Variants in DPYSL5 observed in about 807,000 individuals in gnomAD.
The protein encoded by DPYSL5 is dihydropyrimidinase-related protein 5.
DPYSL5 carries 9 observed loss-of-function variants against 58.4 expected under a neutral mutation model. That is an observed-to-expected ratio of 0.15 (90% CI 0.09 to 0.27). DPYSL5 has a LOEUF of 0.27. Ranked by LOEUF, DPYSL5 falls within the 10% of genes least tolerant of loss-of-function variation. DPYSL5 has a pLI of 1.00. For missense variants in DPYSL5, 499 were observed against 770.6 expected (o/e 0.65, Z 4.17); for synonymous variants, 293 against 301.9 (o/e 0.97, Z 0.31).
chr2:26,923,442 C>T (rs1664752328), intron 2 of DPYSL5, among the ~76,000 whole-genome samples: 1 of 152,208 alleles, frequency 6.6e-6, no homozygotes, highest in South Asian at 2.1e-4. Context: ...AACTACCCAA[C>T]AAGGAAGCCA....
intron 1 of DPYSL5, among the ~76,000 whole-genome samples, chr2:26,880,713 C>G (rs1225601979): frequency 6.6e-6 from 1 of 152,208 alleles, no homozygotes; most frequent in Non-Finnish European, 1.5e-5. Flanking sequence ...GCACAGAACT[C>G]TCTTTTGAGA....
rs1664819257 is a variant in DPYSL5 at position 26,925,924 on chromosome 2, C to G, written c.420+879C>G. Among the ~76,000 whole-genome samples the G allele has an allele frequency of 6.6e-6, 1 of 152,156 alleles. No individual in the cohort carries two copies. The highest frequency in any genetic ancestry group is 1.5e-5 in the Non-Finnish European group (1 of 68,034). ...TTAGTTTTACCAACTCAGGAACTGC[C>G]TCTTCATTTTCCGTCAAAAACCCAC... On this transcript the variant is annotated intron_variant, in intron 3 of 12. Coordinates refer to ENST00000288699, the MANE Select transcript of DPYSL5 (RefSeq NM_020134.4). This position sits in a 1 kb window ranked among gnomAD's most constrained non-coding sequence, Gnocchi z 4.5.
chr2:26,866,888 C>G (rs772581424), intron 1 of DPYSL5, among the ~76,000 whole-genome samples: 1 of 151,944 alleles, frequency 6.6e-6, no homozygotes, highest in Non-Finnish European at 1.5e-5. Context: ...TGTGCCACCA[C>G]GCCCAGCTAA....
intron 2 of DPYSL5, among the ~76,000 whole-genome samples, chr2:26,903,508 C>T (rs752829685): frequency 2.0e-5 from 3 of 152,178 alleles, no homozygotes; most frequent in Non-Finnish European, 2.9e-5. Flanking sequence ...CAGCCCAGCC[C>T]AGCCCAGTTG....
At chr2:26,894,290 C>G (rs368679292) in intron 1 of DPYSL5, among the ~76,000 whole-genome samples, 1 of 152,038 alleles carries the variant, frequency 6.6e-6, no homozygotes, top group Admixed American at 6.6e-5. Context: ...CATCTTCACA[C>G]TCTTCTCAAA....
chr2:26,896,675 T>C (rs983773434), intron 1 of DPYSL5, among the ~76,000 whole-genome samples: 1 of 152,248 alleles, frequency 6.6e-6, no homozygotes, highest in Non-Finnish European at 1.5e-5. Context: ...TGGCCATTTG[T>C]ATGTCTTCTG....
intron 2 of DPYSL5, among the ~76,000 whole-genome samples, chr2:26,906,760 AATTT>A (rs1255803539): frequency 1.3e-5 from 2 of 151,946 alleles, no homozygotes; most frequent in African/African-American, 2.4e-5. Context: ...CCTAAATCAT[AATTT>A]ATTTATTTAT....
At chr2:26,888,746 G>T (rs1663794077) in intron 1 of DPYSL5, among the ~76,000 whole-genome samples, 1 of 152,140 alleles carries the variant, frequency 6.6e-6, no homozygotes, top group African/African-American at 2.4e-5. Flanking sequence ...GTCTTTAAAG[G>T]AGGTGACATT....
chr2:26,897,433 C>T (rs1394474526), intron 1 of DPYSL5, among the ~76,000 whole-genome samples: 3 of 152,076 alleles, frequency 2.0e-5, no homozygotes, highest in Admixed American at 1.3e-4. Context: ...GATTTTTCTT[C>T]CTTAGTTTAT....
intron 5 of DPYSL5, among the ~76,000 whole-genome samples, chr2:26,931,197 GTGTGTGTATATATATATATATATATATA>G (rs1184922190): frequency 5.7e-5 from 3 of 52,494 alleles, no homozygotes; most frequent in African/African-American, 1.8e-4. Flanking sequence ...GTGTGTGTGT[GTGTGTGTATATATATATATATATATATA>G]TATATGAATT....
At position 26,931,659 on chromosome 2, in the gene DPYSL5, A is replaced by G. The variant is rs1558350932; in HGVS notation, c.689A>G (p.His230Arg). The change falls in exon 6 of 13, where the codon CAT (histidine) becomes CGT (arginine). Residue 230 changes from histidine to arginine, a missense_variant. This residue lies in a region of DPYSL5 where 404 missense variants were observed against 647.6 expected (regional missense o/e 0.62). Coordinates refer to ENST00000288699, the MANE Select transcript of DPYSL5 (RefSeq NM_020134.4). Reference sequence around the variant, plus strand: ...TAACAGCTGGAAGCTGAAGCCACTCATCGTGTTATCACCATTGCAAACAGG... The same window carrying G: ...TAACAGCTGGAAGCTGAAGCCACTCGTCGTGTTATCACCATTGCAAACAGG... ...RPEELEAEAT[H>R]RVITIANRTH... 6.2e-7 allele frequency: 1 copy of G among 1,614,034 alleles called. No individual in the cohort carries two copies. Among genetic ancestry groups the G allele is most frequent in the Non-Finnish European group, 8.5e-7 (1 of 1,179,954 alleles).
At chr2:26,895,122 A>T (rs1265724709) in intron 1 of DPYSL5, among the ~76,000 whole-genome samples, 1 of 152,238 alleles carries the variant, frequency 6.6e-6, no homozygotes, top group Non-Finnish European at 1.5e-5. Flanking sequence ...AAGATCATGC[A>T]GTCTTGATTA....
At chr2:26,931,356 C>T (rs760677606) in intron 5 of DPYSL5, among the ~76,000 whole-genome samples, 1 of 151,136 alleles carries the variant, frequency 6.6e-6, no homozygotes, top group Non-Finnish European at 1.5e-5. Flanking sequence ...AGAGAATACA[C>T]CAGAAAACAA....
intron 8 of DPYSL5, among the ~76,000 whole-genome samples, chr2:26,935,857 T>A (rs1321830057): frequency 6.6e-6 from 1 of 152,148 alleles, no homozygotes; most frequent in Non-Finnish European, 1.5e-5. Flanking sequence ...TTCTTCTCCA[T>A]ACCCAAGCAT....
intron 2 of DPYSL5, among the ~76,000 whole-genome samples, chr2:26,923,465 G>A (rs1443685352): frequency 6.6e-6 from 1 of 152,168 alleles, no homozygotes; most frequent in Non-Finnish European, 1.5e-5. Context: ...CTATTGTGTA[G>A]GTAAAGACTT....
intron 2 of DPYSL5, among the ~76,000 whole-genome samples, chr2:26,909,890 A>C (rs935314279): frequency 3.9e-5 from 6 of 152,194 alleles, no homozygotes; most frequent in East Asian, 3.8e-4. Context: ...GGTATAATTA[A>C]TGTTTGATAA....
chr2:26,924,873 T>G lies in DPYSL5; in HGVS notation c.262-14T>G. On this transcript the variant is annotated splice_polypyrimidine_tract_variant and intron_variant, in intron 2 of 12. Transcript: ENST00000288699. The surrounding 1 kb of genome is among the most constrained non-coding windows in gnomAD (Gnocchi z 4.7). The stretch of plus-strand genomic sequence containing the variant: ...GCAGGGCTGTGACGAGACTGCCTTT[T>G]CCCGTCTTCCCAGGCAGCACTCGTC... 6.2e-7 allele frequency: 1 copy of G among 1,612,130 alleles called. No homozygotes were observed. Among genetic ancestry groups the G allele is most frequent in the Non-Finnish European group, 8.5e-7 (1 of 1,178,974 alleles).
intron 2 of DPYSL5, among the ~76,000 whole-genome samples, chr2:26,919,923 G>A (rs549624762): frequency 5.9e-5 from 9 of 152,236 alleles, no homozygotes; most frequent in African/African-American, 2.2e-4. Flanking sequence ...TAAAAGGAAT[G>A]AAATAAATCT....
chr2:26,901,144 G>A (rs1346981249), intron 2 of DPYSL5, among the ~76,000 whole-genome samples: 1 of 152,114 alleles, frequency 6.6e-6, no homozygotes, highest in East Asian at 1.9e-4. Flanking sequence ...TACAGGTTCA[G>A]GCTGCCTCAG....
Sources: allele counts gnomAD v4.1 joint callset (sites outside exome capture counted in the v4.1 genomes callset), GRCh38; gene constraint gnomAD v4.1.1; regional missense constraint gnomAD v4.1.1; non-coding constraint Gnocchi (gnomAD v3.1); transcripts MANE v1.5; gene names NCBI Gene and HGNC (gene_info 2026-07-23, HGNC 2026-07-21).